TSNARE1: variants seen among roughly 807,000 people sequenced by gnomAD.
TSNARE1 encodes the protein t-SNARE domain containing 1.
Under a neutral mutation model 62.0 loss-of-function variants are expected in TSNARE1, and 49 were observed. The ratio of observed to expected loss-of-function variants is 0.79; its 90% CI spans 0.63 to 1.00. The LOEUF is 1.00. Ranked by LOEUF, TSNARE1 falls within the 50% of genes least tolerant of loss-of-function variation. The pLI is 0.00. For synonymous variants in TSNARE1, 328 were observed against 294.4 expected, an observed-to-expected ratio of 1.11 and a Z score of -1.17; for missense variants, 755 against 700.1, an observed-to-expected ratio of 1.08 and a Z score of -0.88.
At chr8:142,273,595 C>A in intron 12 of TSNARE1, 2 of 985,406 alleles carry the variant, frequency 2.0e-6, no homozygotes, top group Non-Finnish European at 2.4e-6. Context: ...CAGCTGTCAA[C>A]AGGGACTGAC....
At chr8:142,282,869 G>A (rs1302176256) in intron 11 of TSNARE1, among the ~76,000 whole-genome samples, 2 of 140,684 alleles carry the variant, frequency 1.4e-5, no homozygotes, top group African/African-American at 5.4e-5. Context: ...ATGAGCAGAG[G>A]GGAGGCCACT....
intron 9 of TSNARE1, among the ~76,000 whole-genome samples, chr8:142,313,276 G>C (rs937658551): frequency 2.6e-5 from 4 of 151,954 alleles, no homozygotes; most frequent in Non-Finnish European, 5.9e-5. Context: ...TGGTCTGCAT[G>C]TCTGTTTATC....
At chr8:142,397,183 G>A (rs906588325) in intron 1 of TSNARE1, among the ~76,000 whole-genome samples, 5 of 143,686 alleles carry the variant, frequency 3.5e-5, no homozygotes, top group Non-Finnish European at 7.6e-5. Flanking sequence ...AGGCAGCTCC[G>A]CCTGCCCTGG....
At chr8:142,404,635 G>A (rs552301507), upstream of TSNARE1, 1 of 152,448 alleles carries the variant, frequency 6.6e-6, no homozygotes, top group East Asian at 1.9e-4. Flanking sequence ...TTTGGACAGG[G>A]CTTCACTCTT....
intron 1 of TSNARE1, among the ~76,000 whole-genome samples, chr8:142,398,821 T>C (rs1174959856): frequency 6.6e-6 from 1 of 152,114 alleles, no homozygotes; most frequent in Admixed American, 6.5e-5. Context: ...TTGCCTGCAG[T>C]GGCCCCCAAG....
At chr8:142,301,552 T>A (rs34323479) in intron 9 of TSNARE1, among the ~76,000 whole-genome samples, 30,468 of 146,286 alleles carry the variant, frequency 0.21, 1,998 homozygotes, top group African/African-American at 0.3. Flanking sequence ...GCCCCCCACC[T>A]GCCCTGCCCA....
rs144238343 is a variant in TSNARE1, at chr8:142,324,844, G to A, written c.893+6057C>T. Among the ~76,000 whole-genome samples, 47 of 152,344 alleles carry A rather than the reference G, an allele frequency of 3.1e-4. 3 individuals carry two copies. Among genetic ancestry groups the A allele is most frequent in the African/African-American group, 1.1e-3 (46 of 41,588 alleles). ...CCACTCCAGACTCGAGTGGTTAATC[G>A]GCGCTCCCGCCCCTCTGTCCGTGTT... On this transcript the variant is annotated intron_variant, in intron 6 of 13. Transcript: ENST00000524325.
intron 1 of TSNARE1, among the ~76,000 whole-genome samples, chr8:142,358,715 T>C (rs1374832832): frequency 6.6e-6 from 1 of 150,668 alleles, no homozygotes; most frequent in Non-Finnish European, 1.5e-5. Flanking sequence ...GTCTTCTGCC[T>C]ATTCACGGCC....
In TSNARE1 at chr8:142,354,882, C is replaced by G. The variant is rs999173794; in HGVS notation, c.-39-119G>C. 3 of 614,414 alleles carry G rather than the reference C, an allele frequency of 4.9e-6. No individual in the cohort carries two copies. In the Admixed American group the frequency reaches 8.5e-5, roughly 17 times the overall value. 38.1% of individuals were successfully genotyped at this position (614,414 alleles called of 1,614,324 possible). The stretch of plus-strand genomic sequence containing the variant: ...GCCCCAAGACCCTGGCTCCATTGTA[C>G]CCATTCCCTAGGCTACTCCAGGCTT... On this transcript the variant is annotated intron_variant, in intron 1 of 13. Transcript: ENST00000524325.
At chr8:142,335,303 G>C (rs1405349480) in intron 4 of TSNARE1, among the ~76,000 whole-genome samples, 13 of 152,074 alleles carry the variant, frequency 8.5e-5, no homozygotes, top group Non-Finnish European at 1.5e-5. Context: ...CCGTGGTCCT[G>C]AATGTATTGA....
chr8:142,370,306 T>C (rs1287884548), intron 1 of TSNARE1, among the ~76,000 whole-genome samples: 1 of 152,214 alleles, frequency 6.6e-6, no homozygotes, highest in African/African-American at 2.4e-5. Flanking sequence ...TGGTGGCTCA[T>C]GCCTGTAATC....
At chr8:142,347,456 G>T (rs1260723532) in intron 2 of TSNARE1, among the ~76,000 whole-genome samples, 1 of 152,182 alleles carries the variant, frequency 6.6e-6, no homozygotes, top group African/African-American at 2.4e-5. Flanking sequence ...GCTCCCGGCA[G>T]GCCCTTCTCC....
intron 4 of TSNARE1, among the ~76,000 whole-genome samples, chr8:142,335,383 A>G (rs762809504): frequency 7.2e-5 from 11 of 152,232 alleles, no homozygotes; most frequent in Non-Finnish European, 5.9e-5. Flanking sequence ...CTGAAACCAC[A>G]TCAATGAGGC....
chr8:142,361,089 G>T (rs567077491), intron 1 of TSNARE1, among the ~76,000 whole-genome samples: 1 of 152,242 alleles, frequency 6.6e-6, no homozygotes, highest in East Asian at 1.9e-4. Flanking sequence ...GCCCCACACA[G>T]GTCGCACCAG....
rs555151161 is a variant in TSNARE1 at position 142,275,792 on chromosome 8, G to A, written c.1364-929C>T. On this transcript the variant is annotated intron_variant, in intron 11 of 13. Transcript: ENST00000524325. ...ACCTGAGCTGACTTGAGCCTCAGGGGTCTTAAGGCCTGGGATAGAGAGGCC... is the reference window on the plus strand; with the variant it reads ...ACCTGAGCTGACTTGAGCCTCAGGGATCTTAAGGCCTGGGATAGAGAGGCC... 9 of 983,880 alleles carry A rather than the reference G, an allele frequency of 9.1e-6. No homozygotes were observed. The South Asian group carries it at 2.8e-4, about 31-fold the overall frequency. The allele number at this position is 983,880 out of a possible 1,614,324, so 60.9% of individuals were successfully genotyped here. A position where few individuals can be genotyped will look rare whatever the true frequency, so the allele number is the denominator to read the frequency against.
At chr8:142,377,541 C>T (rs1287941435) in intron 1 of TSNARE1, among the ~76,000 whole-genome samples, 4 of 152,232 alleles carry the variant, frequency 2.6e-5, no homozygotes, top group Admixed American at 6.5e-5. Flanking sequence ...TGCAGGAAGG[C>T]AGGCGAGCGC....
chr8:142,259,398 G>A (rs543768579), intron 12 of TSNARE1, among the ~76,000 whole-genome samples: 75 of 152,336 alleles, frequency 4.9e-4, no homozygotes, highest in African/African-American at 1.8e-3. Flanking sequence ...CCAGGCCTGA[G>A]AGGGCCGAGT....
chr8:142,295,981 C>T (rs1029861619), intron 10 of TSNARE1, among the ~76,000 whole-genome samples: 2 of 123,710 alleles, frequency 1.6e-5, no homozygotes, highest in Non-Finnish European at 3.3e-5. Context: ...AGGGATGGGC[C>T]GGCCACTGTC....
chr8:142,314,541 A>G (rs1828212998), intron 8 of TSNARE1, 101 bp from the exon 9 acceptor site: 1 of 992,760 alleles, frequency 1.0e-6, no homozygotes, highest in Non-Finnish European at 1.5e-6. Flanking sequence ...ACGACGGTGC[A>G]GCAAAACACG....
Sources: gnomAD v4.1 joint callset for allele counts (sites outside exome capture counted in the v4.1 genomes callset) on GRCh38, gnomAD v4.1.1 for gene constraint, MANE v1.5 for transcripts, NCBI Gene and HGNC (gene_info 2026-07-23, HGNC 2026-07-21) for gene names.